Variants in NFYC observed in about 807,000 individuals in gnomAD.
The protein encoded by NFYC is CAAT box DNA-binding protein subunit C.
In NFYC, 25 loss-of-function variants were observed where a neutral mutation model predicts 53.1. That is an observed-to-expected ratio of 0.47 (90% CI 0.34 to 0.66). NFYC has a LOEUF of 0.66. Ranked by LOEUF, NFYC falls within the 30% of genes least tolerant of loss-of-function variation. The pLI is 0.01. For missense variants in NFYC, 260 were observed against 422.7 expected (o/e 0.62, Z 3.38); for synonymous variants, 145 against 152.6 (o/e 0.95, Z 0.37).
chr1:40,744,283 C>G (rs1344611794), intron 2 of NFYC, among the ~76,000 whole-genome samples: 1 of 152,216 alleles, frequency 6.6e-6, no homozygotes, highest in Non-Finnish European at 1.5e-5. Context: ...AAAACTGGTT[C>G]CTGAGGTTGG....
chr1:40,693,552 AGCAGAG>A (rs1642958812), intron 1 of NFYC, among the ~76,000 whole-genome samples: 1 of 152,226 alleles, frequency 6.6e-6, no homozygotes, highest in Non-Finnish European at 1.5e-5. Flanking sequence ...ATTGATAAGT[AGCAGAG>A]GAAGAGAATT....
chr1:40,761,632 C>G (rs1025937443), intron 6 of NFYC, among the ~76,000 whole-genome samples: 19 of 152,140 alleles, frequency 1.2e-4, no homozygotes, highest in Non-Finnish European at 2.1e-4. Context: ...TTTGGCCCTC[C>G]TCCAGTTTAT....
chr1:40,718,912 G>T (rs983389553), intron 1 of NFYC, among the ~76,000 whole-genome samples: 1 of 151,930 alleles, frequency 6.6e-6, no homozygotes, highest in Non-Finnish European at 1.5e-5. Flanking sequence ...TTGCTCTGTC[G>T]CCAGGCTGGA....
chr1:40,762,256 G>A (rs1421739098), intron 6 of NFYC, among the ~76,000 whole-genome samples: 1 of 152,222 alleles, frequency 6.6e-6, no homozygotes, highest in Non-Finnish European at 1.5e-5. Flanking sequence ...ACAGTGCCCA[G>A]TGAGTTAGCA....
chr1:40,723,322 A>G (rs1644393047), intron 1 of NFYC: 1 of 152,228 alleles, frequency 6.6e-6, no homozygotes, highest in Non-Finnish European at 1.5e-5. Context: ...CTTAGGCTAC[A>G]GGCACTCTTT....
intron 1 of NFYC, among the ~76,000 whole-genome samples, chr1:40,723,516 G>A (rs548118907): frequency 6.2e-4 from 94 of 152,208 alleles, no homozygotes; most frequent in African/African-American, 2.2e-3. Flanking sequence ...AACAGGTGAG[G>A]GAGGCAGGGG....
chr1:40,736,103 C>T (rs1207792601), intron 1 of NFYC, among the ~76,000 whole-genome samples: 2 of 152,068 alleles, frequency 1.3e-5, no homozygotes, highest in Non-Finnish European at 2.9e-5. Flanking sequence ...ATATTGTATC[C>T]CAGGTACTAG....
intron 2 of NFYC, among the ~76,000 whole-genome samples, chr1:40,743,837 G>A (rs1478545760): frequency 2.6e-5 from 4 of 152,130 alleles, no homozygotes; most frequent in Non-Finnish European, 4.4e-5. Flanking sequence ...GGTTAGGAAC[G>A]GAACCTGGGA....
chr1:40,730,374 T>C (rs1644714672), intron 1 of NFYC, among the ~76,000 whole-genome samples: 1 of 152,064 alleles, frequency 6.6e-6, no homozygotes, highest in African/African-American at 2.4e-5. Flanking sequence ...GAGACTGTTC[T>C]TTTACTTGAA....
intron 1 of NFYC, among the ~76,000 whole-genome samples, chr1:40,724,735 G>A (rs1644448779): frequency 6.6e-6 from 1 of 152,072 alleles, no homozygotes; most frequent in African/African-American, 2.4e-5. Context: ...CTCTAGTTGT[G>A]CTACAACTAT....
chr1:40,754,957 C>T (rs144695093), intron 5 of NFYC, among the ~76,000 whole-genome samples: 22 of 152,228 alleles, frequency 1.4e-4, no homozygotes, highest in Admixed American at 3.3e-4. Context: ...GCATCGTATT[C>T]GGGACAGCTG....
At chr1:40,734,561 A>G (rs1644929202) in intron 1 of NFYC, among the ~76,000 whole-genome samples, 1 of 151,932 alleles carries the variant, frequency 6.6e-6, no homozygotes, top group African/African-American at 2.4e-5. Context: ...AGGTTTCACC[A>G]TGTTGGCCAG....
At chr1:40,717,604 A>G (rs1570402868) in intron 1 of NFYC, among the ~76,000 whole-genome samples, 1 of 152,324 alleles carries the variant, frequency 6.6e-6, no homozygotes, top group African/African-American at 2.4e-5. Flanking sequence ...GTGTGCCTTG[A>G]TAAGTAAAAG....
chr1:40,764,748 C>G (rs1646732205), intron 7 of NFYC, among the ~76,000 whole-genome samples: 1 of 152,156 alleles, frequency 6.6e-6, no homozygotes, highest in Non-Finnish European at 1.5e-5. Flanking sequence ...CTTTCAAAAA[C>G]CCAGAGCTTA....
intron 1 of NFYC, among the ~76,000 whole-genome samples, chr1:40,694,826 T>G (rs1466795258): frequency 6.6e-6 from 1 of 152,220 alleles, no homozygotes; most frequent in East Asian, 1.9e-4. Context: ...TGAAAACTTG[T>G]GAACCTCAGC....
intron 2 of NFYC, among the ~76,000 whole-genome samples, chr1:40,747,244 G>GAAAAA (rs11377810): frequency 1.5e-5 from 2 of 133,974 alleles, no homozygotes; most frequent in African/African-American, 2.8e-5. Context: ...TTGTGCTGAC[G>GAAAAA]AAAAAAAAAA....
At chr1:40,720,395 T>C (rs1644286181) in intron 1 of NFYC, among the ~76,000 whole-genome samples, 1 of 152,234 alleles carries the variant, frequency 6.6e-6, no homozygotes. Context: ...AGCCGATGAT[T>C]AGATAATTGT....
At chr1:40,720,373 A>G (rs1364179677) in intron 1 of NFYC, among the ~76,000 whole-genome samples, 1 of 151,934 alleles carries the variant, frequency 6.6e-6, no homozygotes, top group Non-Finnish European at 1.5e-5. Flanking sequence ...ACAATCTCCC[A>G]TTTTTCAGTG....
chr1:40,715,870 TC>T (rs1255767475), intron 1 of NFYC, among the ~76,000 whole-genome samples: 2 of 152,242 alleles, frequency 1.3e-5, no homozygotes, highest in Admixed American at 6.5e-5. Flanking sequence ...GACCTTGTGT[TC>T]CTTAGTTCAA....
Sources: allele counts gnomAD v4.1 joint callset (sites outside exome capture counted in the v4.1 genomes callset), GRCh38; gene constraint gnomAD v4.1.1; transcripts MANE v1.5; gene names NCBI Gene and HGNC (gene_info 2026-07-23, HGNC 2026-07-21).